Variants in TBC1D4 observed in about 807,000 individuals in gnomAD.
TBC1D4 encodes TBC1 domain family member 4.
Under a neutral mutation model 142.5 loss-of-function variants are expected in TBC1D4, and 121 were observed. That is an observed-to-expected ratio of 0.85 (90% confidence interval 0.73 to 0.99). The LOEUF is 0.99. Among genes scored for constraint, TBC1D4 ranks in the 50% least tolerant of loss-of-function variants. The pLI, the probability that TBC1D4 is intolerant of heterozygous loss-of-function variation, is 0.00. For missense variants in TBC1D4, 1,475 were observed against 1,606.6 expected, an observed-to-expected ratio of 0.92 and a Z score of 1.40; for synonymous variants, 630 against 628.2, an observed-to-expected ratio of 1.00 and a Z score of -0.04.
chr13:75,441,967 A>G (rs1205334672), intron 1 of TBC1D4, among the ~76,000 whole-genome samples: 1 of 152,234 alleles, frequency 6.6e-6, no homozygotes, highest in African/African-American at 2.4e-5. Flanking sequence ...TTTATGCTCA[A>G]TTAACGTGCT....
rs1205295051 is a variant in TBC1D4, at chr13:75,351,354, G to T, written c.1276-2052C>A. Reference sequence around the variant, plus strand: ...TTAAATTTTTAAATTATCCAATAAAGAATGGCATCAATCCTATTTTTTTGG... The same window carrying T: ...TTAAATTTTTAAATTATCCAATAAATAATGGCATCAATCCTATTTTTTTGG... On this transcript the variant is annotated intron_variant, in intron 4 of 20. Coordinates refer to ENST00000377636, the MANE Select transcript of TBC1D4 (RefSeq NM_014832.5). 6.6e-5 allele frequency among the ~76,000 whole-genome samples: 10 copies of T among 151,900 alleles called. No individual in the cohort carries two copies. In the East Asian group the frequency reaches 1.7e-3, roughly 26 times the overall value.
At chr13:75,481,195 T>TGCCCCCC in intron 1 of TBC1D4, 75 bp downstream of exon 1, 5 of 1,292,710 alleles carry the variant, frequency 3.9e-6, no homozygotes, top group Non-Finnish European at 5.3e-6. Flanking sequence ...TAAAGTGGGG[T>TGCCCCCC]CCCCGCCCCT....
chr13:75,292,378 AG>A (rs1211488256), intron 18 of TBC1D4, 107 bp from the exon 19 acceptor site: 8 of 938,180 alleles, frequency 8.5e-6, no homozygotes, highest in Non-Finnish European at 4.8e-6. Flanking sequence ...TGTATTTTGC[AG>A]AAGAAAACTG....
Position 75,375,770 on chromosome 13 carries a change from C to CA in TBC1D4, c.499-13164_499-13163insT, listed in dbSNP as rs1229488332. 9 of 123,532 alleles carry CA rather than the reference C, an allele frequency of 7.3e-5. 1 individual carries two copies. Among genetic ancestry groups the CA allele is most frequent in the African/African-American group, 1.1e-4 (3 of 26,874 alleles). The allele number at this position is 123,532 out of a possible 1,614,324, so 7.7% of individuals were successfully genotyped here. A position where few individuals can be genotyped will look rare whatever the true frequency, so the allele number is the denominator to read the frequency against. ...AGGACATTCCCCTACTGCCCCACCC[C>CA]CCCCACACACACACATAATGGATTC... is the stretch of plus-strand genomic sequence containing the variant. On this transcript the variant is annotated intron_variant, in intron 1 of 20. Transcript: ENST00000377636.
At chr13:75,320,448 T>C (rs561323454) in intron 11 of TBC1D4, among the ~76,000 whole-genome samples, 1 of 152,098 alleles carries the variant, frequency 6.6e-6, no homozygotes, top group East Asian at 1.9e-4. Context: ...GTTATAAAAA[T>C]TACCATAACA....
chr13:75,290,626 C>T (rs893422375), intron 19 of TBC1D4, among the ~76,000 whole-genome samples: 1 of 151,904 alleles, frequency 6.6e-6, no homozygotes, highest in African/African-American at 2.4e-5. Flanking sequence ...TTAACAAATA[C>T]AAACTATTTA....
chr13:75,312,980 T>C (rs1042229475), intron 12 of TBC1D4, 82 bp from the exon 13 acceptor site: 153 of 1,523,466 alleles, frequency 1.0e-4, no homozygotes, highest in Non-Finnish European at 1.3e-4. Context: ...GCACAAGCCA[T>C]TCACAAGTTC....
rs555399898 is a variant in TBC1D4 at position 75,472,475 on chromosome 13, C to CCCA, written c.498+8792_498+8794dup. On this transcript the variant is annotated intron_variant, in intron 1 of 20. Coordinates refer to ENST00000377636, the MANE Select transcript of TBC1D4 (RefSeq NM_014832.5). ...TGTGGATGGATTTAAAAGGGTCATGCCCACCACCACCACTATGTTCATGCC... is the reference window on the plus strand; with the variant it reads ...TGTGGATGGATTTAAAAGGGTCATGCCCACCACCACCACCACTATGTTCATGCC... Among the ~76,000 whole-genome samples, 40 of 152,076 alleles carry CCCA rather than the reference C, an allele frequency of 2.6e-4. No homozygotes were observed. In the East Asian group the frequency reaches 7.3e-3, roughly 28 times the overall value.
intron 1 of TBC1D4, among the ~76,000 whole-genome samples, chr13:75,410,931 G>A (rs1303706875): frequency 7.9e-5 from 4 of 50,466 alleles, no homozygotes; most frequent in Non-Finnish European, 9.8e-5. Context: ...GCGAGACTCC[G>A]TCTCAAAAAA....
At chr13:75,366,437 T>A (rs911794248) in intron 1 of TBC1D4, among the ~76,000 whole-genome samples, 1 of 98,722 alleles carries the variant, frequency 1.0e-5, no homozygotes, top group Non-Finnish European at 2.0e-5. Context: ...CAGGATAATG[T>A]ACAATCAAGA....
In TBC1D4 at chr13:75,314,635, A is replaced by G. The variant is rs111230827; in HGVS notation, c.2223-1737T>C. ...ACTCTGGTTATTATGCATCCTGGATAACACTATAACCCTAATATGTGTCCA... is the reference window on the plus strand; with the variant it reads ...ACTCTGGTTATTATGCATCCTGGATGACACTATAACCCTAATATGTGTCCA... On this transcript the variant is annotated intron_variant, in intron 12 of 20. Coordinates refer to ENST00000377636, the MANE Select transcript of TBC1D4 (RefSeq NM_014832.5). Among the ~76,000 whole-genome samples, 281 of 152,234 alleles carry G rather than the reference A, an allele frequency of 1.8e-3. 2 individuals are homozygous for G. Among genetic ancestry groups the G allele is most frequent in the African/African-American group, 6.4e-3 (267 of 41,532 alleles).
chr13:75,381,294 C>T (rs1295800970), intron 1 of TBC1D4, among the ~76,000 whole-genome samples: 1 of 152,206 alleles, frequency 6.6e-6, no homozygotes, highest in Non-Finnish European at 1.5e-5. Flanking sequence ...TCCTCACCGT[C>T]CCTATTTGTC....
rs1199715727 is a variant in TBC1D4 at position 75,284,633 on chromosome 13, A to G, written c.*2159T>C. The G allele has an allele frequency of 6.6e-6, 1 of 152,242 alleles. No individual in the cohort carries two copies. The highest frequency in any genetic ancestry group is 2.4e-5 in the African/African-American group (1 of 41,462). 9.4% of individuals were successfully genotyped at this position (152,242 alleles called of 1,614,324 possible). A position where few individuals can be genotyped will look rare whatever the true frequency, so the allele number is the denominator to read the frequency against. On this transcript the variant is annotated 3_prime_UTR_variant, in exon 21 of 21. Coordinates refer to ENST00000377636, the MANE Select transcript of TBC1D4 (RefSeq NM_014832.5). ...CCCCTGCAGTAAAAGACTCTAACCA[A>G]GAGCTGCTTCTCTCCCGAAAAGTAA...
intron 5 of TBC1D4, among the ~76,000 whole-genome samples, chr13:75,347,274 C>A (rs981411472): frequency 6.6e-6 from 1 of 152,164 alleles, no homozygotes; most frequent in Non-Finnish European, 1.5e-5. Context: ...CATTTCCATT[C>A]TTGGAACTTT....
chr13:75,352,189 C>G (rs1881657673), intron 4 of TBC1D4, among the ~76,000 whole-genome samples: 1 of 152,142 alleles, frequency 6.6e-6, no homozygotes, highest in African/African-American at 2.4e-5. Context: ...GCTATCTTCC[C>G]ACTTTGCTTG....
intron 1 of TBC1D4, among the ~76,000 whole-genome samples, chr13:75,404,363 C>T (rs1362099488): frequency 6.6e-6 from 1 of 152,206 alleles, no homozygotes; most frequent in Admixed American, 6.5e-5. Flanking sequence ...AGTATGGACA[C>T]CCAAATGTCC....
intron 1 of TBC1D4, among the ~76,000 whole-genome samples, chr13:75,384,714 T>C (rs961498962): frequency 2.6e-5 from 4 of 152,114 alleles, no homozygotes; most frequent in African/African-American, 9.7e-5. Context: ...TATGAATTTG[T>C]GGGCTGATTC....
intron 1 of TBC1D4, among the ~76,000 whole-genome samples, chr13:75,396,017 C>T (rs1884779541): frequency 6.6e-6 from 1 of 152,118 alleles, no homozygotes; most frequent in African/African-American, 2.4e-5. Flanking sequence ...AACAAAGTCC[C>T]TCGTTTTTCT....
At chr13:75,411,213 T>A (rs1199604392) in intron 1 of TBC1D4, among the ~76,000 whole-genome samples, 1 of 152,160 alleles carries the variant, frequency 6.6e-6, no homozygotes, top group Non-Finnish European at 1.5e-5. Flanking sequence ...CTAATACTGA[T>A]GAGAGTTAAA....
Sources: gnomAD v4.1 joint callset for allele counts (sites outside exome capture counted in the v4.1 genomes callset) on GRCh38, gnomAD v4.1.1 for gene constraint, MANE v1.5 for transcripts, NCBI Gene and HGNC (gene_info 2026-07-23, HGNC 2026-07-21) for gene names.